Variants in CGNL1 observed in about 807,000 individuals in gnomAD.
CGNL1 encodes the protein cingulin like 1, also known as cingulin-like protein 1.
A neutral mutation model predicts 141.2 loss-of-function variants in CGNL1; 132 were observed. That is an observed-to-expected ratio of 0.93 (90% CI 0.81 to 1.08). The LOEUF (loss-of-function observed/expected upper bound fraction) is 1.08. Among genes scored for constraint, CGNL1 ranks in the 50% least tolerant of loss-of-function variants. CGNL1 has a pLI of 0.00. For synonymous variants in CGNL1, 690 were observed against 622.1 expected (o/e 1.11, Z -1.63); for missense variants, 1,870 against 1,588.6 (o/e 1.18, Z -3.01).
chr15:57,410,042 G>T (rs936277699), intron 1 of CGNL1, among the ~76,000 whole-genome samples: 4 of 152,198 alleles, frequency 2.6e-5, no homozygotes, highest in African/African-American at 9.6e-5. Flanking sequence ...AGCTGAGATG[G>T]TTTGGGGTTC....
chr15:57,542,747 C>G (rs2934417), intron 14 of CGNL1, among the ~76,000 whole-genome samples: 114,896 of 152,164 alleles, frequency 0.76, 43,460 homozygotes, highest in African/African-American at 0.79. Flanking sequence ...CCCCATTCCT[C>G]GTTATGTACC....
intron 8 of CGNL1, among the ~76,000 whole-genome samples, chr15:57,487,878 A>C (rs2063806189): frequency 6.6e-6 from 1 of 152,222 alleles, no homozygotes; most frequent in South Asian, 2.1e-4. Flanking sequence ...TCGAGTATAC[A>C]GAGGGTACAA....
At chr15:57,460,825 A>G (rs1237540282) in intron 7 of CGNL1, among the ~76,000 whole-genome samples, 5 of 152,126 alleles carry the variant, frequency 3.3e-5, no homozygotes, top group African/African-American at 9.7e-5. Flanking sequence ...AAACCATGTC[A>G]ATAACTGATG....
rs111947785 is a variant in CGNL1, at chr15:57,467,144, T to C, written c.2403+5252T>C. On this transcript the variant is annotated intron_variant, in intron 8 of 18. Coordinates refer to ENST00000281282, the MANE Select transcript of CGNL1 (RefSeq NM_032866.5). ...GGCATCGTGCTAAGTTCGTGAGGACTATACATATAAATCAGGTGGAATTTA... is the reference window on the plus strand; with the variant it reads ...GGCATCGTGCTAAGTTCGTGAGGACCATACATATAAATCAGGTGGAATTTA... 6.7e-3 allele frequency among the ~76,000 whole-genome samples: 1,014 copies of C among 152,338 alleles called. 7 individuals are homozygous for C. Among genetic ancestry groups the C allele is most frequent in the Middle Eastern group, 0.017 (5 of 294 alleles).
intron 8 of CGNL1, among the ~76,000 whole-genome samples, chr15:57,505,407 G>T (rs1227576318): frequency 1.3e-5 from 2 of 152,188 alleles, no homozygotes; most frequent in Admixed American, 1.3e-4. Flanking sequence ...GACTATACCA[G>T]GATCAGGACG....
intron 8 of CGNL1, among the ~76,000 whole-genome samples, chr15:57,487,406 T>C (rs565707354): frequency 8.7e-4 from 133 of 152,322 alleles, no homozygotes; most frequent in Non-Finnish European, 1.5e-3. Flanking sequence ...ATTGCTGTTT[T>C]TCTGGGCAAA....
chr15:57,389,173 T>C (rs2062515893), intron 1 of CGNL1, among the ~76,000 whole-genome samples: 3 of 152,058 alleles, frequency 2.0e-5, no homozygotes, highest in African/African-American at 7.2e-5. Context: ...AAGTTAAAAA[T>C]CATGTGCCTG....
Position 57,547,443 on chromosome 15 carries a change from G to T in CGNL1, c.3862G>T (p.Val1288Leu), listed in dbSNP as rs556904147. Residue 1288 changes from valine (V) to leucine (L), a missense_variant, in exon 19 of 19, where the codon GTG (valine) becomes TTG (leucine). Coordinates refer to ENST00000281282, the MANE Select transcript of CGNL1 (RefSeq NM_032866.5). ...TGGGGGAAGCCTCTATGAGGCGCCT[G>T]TGAGCTACACATTCTCCAAGGACAG... ...TDGGSLYEAP[V>L]SYTFSKDSTV... is the part of the protein sequence containing the mutation. 5 of 1,614,210 alleles carry T rather than the reference G, an allele frequency of 3.1e-6. No homozygotes were observed. Among genetic ancestry groups the T allele is most frequent in the African/African-American group, 1.3e-5 (1 of 75,072 alleles).
chr15:57,408,445 T>C (rs1428937479), intron 1 of CGNL1, among the ~76,000 whole-genome samples: 3 of 152,192 alleles, frequency 2.0e-5, no homozygotes, highest in Non-Finnish European at 4.4e-5. Flanking sequence ...TATTCAAGAA[T>C]GTGACTTTTA....
intron 17 of CGNL1, 44 bp downstream of exon 17, chr15:57,545,744 G>A: frequency 6.6e-7 from 1 of 1,514,322 alleles, no homozygotes. Flanking sequence ...GAGATTGCGT[G>A]TCTCAGGCTG....
At position 57,439,054 on chromosome 15, in the gene CGNL1, G is replaced by A. The variant is rs1366336112; in HGVS notation, c.1055G>A (p.Gly352Asp). ...GATATTGATACAGGATCAATTCCTG[G>A]TGTGGATCAGTTAATTGAAAAATTT... is the stretch of plus-strand genomic sequence containing the variant. Reference protein sequence around the residue: ...GRDIDTGSIPGVDQLIEKFDQ... With the variant: ...GRDIDTGSIPDVDQLIEKFDQ... The change falls in exon 2 of 19, where the codon GGT becomes GAT. Residue 352 changes from glycine (G) to aspartate (D), a missense_variant. By Grantham distance (94) the Gly-to-Asp change is moderately conservative. Coordinates refer to ENST00000281282, the MANE Select transcript of CGNL1 (RefSeq NM_032866.5). 6.2e-7 allele frequency: 1 copy of A among 1,614,208 alleles called. No homozygotes were observed. The highest frequency in any genetic ancestry group is 2.2e-5 in the East Asian group (1 of 44,884).
chr15:57,437,132 TG>T (rs1252114979), intron 1 of CGNL1, among the ~76,000 whole-genome samples: 15 of 152,174 alleles, frequency 9.9e-5, no homozygotes, highest in Admixed American at 2.6e-4. Context: ...GCATCCTGCT[TG>T]GTGAGCTCTC....
chr15:57,490,823 A>G (rs1421337186), intron 8 of CGNL1, among the ~76,000 whole-genome samples: 1 of 152,292 alleles, frequency 6.6e-6, no homozygotes, highest in Admixed American at 6.5e-5. Context: ...GATCAATTTC[A>G]GCATCAATCA....
Position 57,547,458 on chromosome 15 carries a change from T to C in CGNL1, c.3877T>C (p.Ser1293Pro). 6.2e-7 allele frequency: 1 copy of C among 1,614,144 alleles called. No homozygotes were observed. Among genetic ancestry groups the C allele is most frequent in the Non-Finnish European group, 8.5e-7 (1 of 1,180,008 alleles). The change falls in exon 19 of 19, where the codon TCC becomes CCC. Residue 1293 changes from serine (S) to proline (P), a missense_variant. Physicochemically the swap from Ser to Pro is moderately conservative, Grantham distance 74 (BLOSUM62 -1). Transcript: ENST00000281282. ...LYEAPVSYTF[S>P]KDSTVASQI ...TGAGGCGCCTGTGAGCTACACATTCTCCAAGGACAGCACCGTCGCCAGCCA... is the reference window on the plus strand; with the variant it reads ...TGAGGCGCCTGTGAGCTACACATTCCCCAAGGACAGCACCGTCGCCAGCCA...
intron 15 of CGNL1, among the ~76,000 whole-genome samples, chr15:57,544,165 C>G (rs532935292): frequency 6.6e-6 from 1 of 152,196 alleles, no homozygotes; most frequent in Non-Finnish European, 1.5e-5. Flanking sequence ...TTTCTCCTGT[C>G]CCCCTGTAGG....
chr15:57,461,186 C>T (rs575648702), intron 7 of CGNL1, among the ~76,000 whole-genome samples: 218 of 152,200 alleles, frequency 1.4e-3, no homozygotes, highest in East Asian at 2.3e-3. Flanking sequence ...GTGCTCTGCT[C>T]AGATGGGCAA....
intron 14 of CGNL1, among the ~76,000 whole-genome samples, chr15:57,537,353 C>T (rs1394956175): frequency 2.0e-5 from 3 of 152,142 alleles, no homozygotes; most frequent in Admixed American, 6.5e-5. Flanking sequence ...GGAACTGCTC[C>T]TCAGTCAGCA....
At chr15:57,475,016 G>A (rs1294342929) in intron 8 of CGNL1, among the ~76,000 whole-genome samples, 1 of 152,152 alleles carries the variant, frequency 6.6e-6, no homozygotes, top group African/African-American at 2.4e-5. Context: ...CTGCTACCCA[G>A]GTCTGTGGCT....
intron 1 of CGNL1, among the ~76,000 whole-genome samples, chr15:57,389,622 C>T (rs1163715041): frequency 6.6e-6 from 1 of 152,154 alleles, no homozygotes; most frequent in Non-Finnish European, 1.5e-5. Context: ...TGCCTGGTGC[C>T]TTATGTATAG....
Sources: allele counts gnomAD v4.1 joint callset (sites outside exome capture counted in the v4.1 genomes callset), GRCh38; gene constraint gnomAD v4.1.1; transcripts MANE v1.5; gene names NCBI Gene and HGNC (gene_info 2026-07-23, HGNC 2026-07-21).